The following OMA1 variants were observed in gnomAD, a reference collection of about 807,000 sequenced individuals.
The protein encoded by OMA1 is OMA1 zinc metallopeptidase.
A neutral mutation model predicts 30.9 loss-of-function variants in OMA1; 38 were observed. That is an observed-to-expected ratio of 1.23 (90% CI 0.95 to 1.61). OMA1 has a LOEUF of 1.61. OMA1 is among the 40% of genes most tolerant of loss of function. The pLI, the probability that OMA1 is intolerant of heterozygous loss-of-function variation, is 0.00. For missense variants in OMA1, 461 were observed against 349.2 expected (o/e 1.32, Z -2.55); for synonymous variants, 173 against 121.9 (o/e 1.42, Z -2.76).
intron 8 of OMA1, among the ~76,000 whole-genome samples, chr1:58,503,006 A>T (rs1557443830): frequency 6.6e-6 from 1 of 152,160 alleles, no homozygotes; most frequent in Non-Finnish European, 1.5e-5. Context: ...CCTACTCACT[A>T]ATCAATTCAT....
intron 8 of OMA1, among the ~76,000 whole-genome samples, chr1:58,484,984 CATTAT>C (rs1645549456): frequency 1.3e-5 from 2 of 151,932 alleles, no homozygotes; most frequent in Admixed American, 1.3e-4. Context: ...GGATACATGT[CATTAT>C]ACATTTGTCA....
chr1:58,506,446 A>T (rs1443832271), intron 7 of OMA1, among the ~76,000 whole-genome samples: 2 of 152,176 alleles, frequency 1.3e-5, no homozygotes, highest in Non-Finnish European at 2.9e-5. Context: ...TACATGCTTT[A>T]AAGTCATTTT....
At chr1:58,532,523 T>C (rs1207815805) in intron 5 of OMA1, among the ~76,000 whole-genome samples, 4 of 152,072 alleles carry the variant, frequency 2.6e-5, no homozygotes, top group African/African-American at 4.8e-5. Flanking sequence ...GAAAAAAAGA[T>C]TTTTTTTCTT....
In OMA1 at chr1:58,498,253, AC is replaced by A. The variant is rs144771199; in HGVS notation, c.1365+7806del. ...TAAAACTAAAAGTTAAAAAAAAAAA[AC>A]AACTTTTTCCATTGTCTTCCATTCT... On this transcript the variant is annotated intron_variant, in intron 8 of 8. Coordinates refer to ENST00000371226, the MANE Select transcript of OMA1 (RefSeq NM_145243.5). Among the ~76,000 whole-genome samples, 483 of 152,048 alleles carry A rather than the reference AC, an allele frequency of 3.2e-3. 22 individuals are homozygous for A. The East Asian group carries it at 0.077, about 24-fold the overall frequency.
At chr1:58,491,645 A>G (rs888577975) in intron 8 of OMA1, among the ~76,000 whole-genome samples, 4 of 152,216 alleles carry the variant, frequency 2.6e-5, no homozygotes, top group Non-Finnish European at 2.9e-5. Flanking sequence ...CTTTAAACCA[A>G]CAAAGATCAA....
intron 1 of OMA1, among the ~76,000 whole-genome samples, chr1:58,542,166 C>A (rs1646633070): frequency 6.6e-6 from 1 of 152,102 alleles, no homozygotes; most frequent in African/African-American, 2.4e-5. Context: ...TTGAGTTAAC[C>A]CTTTTTGAAA....
At chr1:58,501,490 G>A (rs985198189) in intron 8 of OMA1, among the ~76,000 whole-genome samples, 1 of 152,106 alleles carries the variant, frequency 6.6e-6, no homozygotes, top group Non-Finnish European at 1.5e-5. Context: ...CCTTACAGGG[G>A]CGATAAGGCC....
chr1:58,544,725 C>G (rs1347534133), intron 1 of OMA1, among the ~76,000 whole-genome samples: 1 of 152,156 alleles, frequency 6.6e-6, no homozygotes, highest in Admixed American at 6.5e-5. Context: ...TCCTCAGTAG[C>G]TGGGATTACA....
At chr1:58,513,321 A>C (rs1646110430) in intron 7 of OMA1, among the ~76,000 whole-genome samples, 1 of 152,172 alleles carries the variant, frequency 6.6e-6, no homozygotes, top group South Asian at 2.1e-4. Flanking sequence ...GCCATGGAGA[A>C]CTGTGAGTCA....
chr1:58,495,739 A>G (rs137911731), intron 8 of OMA1, among the ~76,000 whole-genome samples: 56 of 152,250 alleles, frequency 3.7e-4, no homozygotes, highest in African/African-American at 1.3e-3. Flanking sequence ...ATATCATACC[A>G]AAGTGTATTA....
rs182331631 is a variant in OMA1, at chr1:58,530,653, G to T, written c.1088C>A (p.Pro363His). 53 of 872,674 alleles carry T rather than the reference G, an allele frequency of 6.1e-5. No individual in the cohort carries two copies. In the Admixed American group the frequency reaches 9.0e-4, roughly 15 times the overall value. 54.1% of individuals were successfully genotyped at this position (872,674 alleles called of 1,614,324 possible). ...IFLTMIWAIC[P>H]RDSLALLCQW... ...GCACAAAAGTGCCAAGCTATCTCGA[G>T]GACAAATGGCCCAAATCATTGTGAG... Residue 363 changes from proline to histidine, a missense_variant, in exon 6 of 9, where the codon CCT becomes CAT. By Grantham distance (77) the Pro-to-His change is moderately conservative (BLOSUM62 -2). Coordinates refer to ENST00000371226, the MANE Select transcript of OMA1 (RefSeq NM_145243.5).
chr1:58,533,330 G>C (rs1182184588), intron 5 of OMA1, among the ~76,000 whole-genome samples: 4 of 152,184 alleles, frequency 2.6e-5, no homozygotes, highest in Non-Finnish European at 5.9e-5. Context: ...CGGTTACTTT[G>C]TCAGGTTAGT....
At chr1:58,535,470 C>A (rs1311086397) in intron 3 of OMA1, among the ~76,000 whole-genome samples, 1 of 151,948 alleles carries the variant, frequency 6.6e-6, no homozygotes, top group Non-Finnish European at 1.5e-5. Context: ...GTGGCGCACG[C>A]CTGTAGTCCC....
intron 7 of OMA1, among the ~76,000 whole-genome samples, chr1:58,521,155 A>C (rs1300637257): frequency 6.6e-6 from 1 of 152,218 alleles, no homozygotes; most frequent in Non-Finnish European, 1.5e-5. Context: ...TAAAATCATC[A>C]AATGTTCAAA....
In OMA1 at chr1:58,546,203, TG is replaced by T. The variant is rs2100509638; in HGVS notation, c.-17+499del. Among the ~76,000 whole-genome samples, 2 of 152,346 alleles carry T rather than the reference TG, an allele frequency of 1.3e-5. 1 individual carries two copies. The highest frequency in any genetic ancestry group is 4.1e-4 in the South Asian group (2 of 4,832). On this transcript the variant is annotated intron_variant, in intron 1 of 8. Coordinates refer to ENST00000371226, the MANE Select transcript of OMA1 (RefSeq NM_145243.5). ...CTGGTTTGCCCTGCCGAGTTTAGGC[TG>T]GAAAACGTGTTCAGTTTCTCCTGAA... is the stretch of plus-strand genomic sequence containing the variant.
chr1:58,540,559 C>T (rs1052032437), intron 1 of OMA1, among the ~76,000 whole-genome samples: 1 of 149,862 alleles, frequency 6.7e-6, no homozygotes. Context: ...CTTTAAAAGA[C>T]CTAAACTTTT....
chr1:58,512,204 T>C lies in OMA1; in HGVS notation c.1216-5995A>G, dbSNP rs1569922982. Among the ~76,000 whole-genome samples, 5 of 152,244 alleles carry C rather than the reference T, an allele frequency of 3.3e-5. No homozygotes were observed. The Middle Eastern group carries it at 0.014, about 414-fold the overall frequency. ...TGCAAACTGGAATCACAATGAAATA[T>C]TACCTTACACCTGTTAGGTTATCTA... is the stretch of plus-strand genomic sequence containing the variant. On this transcript the variant is annotated intron_variant, in intron 7 of 8. Transcript: ENST00000371226.
chr1:58,494,448 C>A (rs900477124), intron 8 of OMA1, among the ~76,000 whole-genome samples: 3 of 152,128 alleles, frequency 2.0e-5, no homozygotes, highest in Non-Finnish European at 4.4e-5. Context: ...AGCTTCTGCA[C>A]AGCAAAAGAA....
chr1:58,520,437 T>C (rs1212617396), intron 7 of OMA1, among the ~76,000 whole-genome samples: 2 of 152,078 alleles, frequency 1.3e-5, no homozygotes, highest in African/African-American at 4.8e-5. Context: ...CACAAAGGAA[T>C]ATAAATGAAG....
Sources: gnomAD v4.1 joint callset for allele counts (sites outside exome capture counted in the v4.1 genomes callset) on GRCh38, gnomAD v4.1.1 for gene constraint, MANE v1.5 for transcripts, NCBI Gene and HGNC (gene_info 2026-07-23, HGNC 2026-07-21) for gene names.